Variants in COL8A1 observed in about 807,000 individuals in gnomAD.
COL8A1 encodes collagen alpha-1(VIII) chain.
COL8A1 carries 21 observed loss-of-function variants against 42.7 expected under a neutral mutation model. The observed-to-expected ratio is 0.49, with a 90% CI of 0.35 to 0.71. The LOEUF (loss-of-function observed/expected upper bound fraction) is 0.71, where lower values mean the gene tolerates loss of function less well. Ranked by LOEUF, COL8A1 falls within the 30% of genes least tolerant of loss-of-function variation. The pLI, the probability that COL8A1 is intolerant of heterozygous loss-of-function variation, is 0.01. For missense variants in COL8A1, 788 were observed against 962.4 expected, an observed-to-expected ratio of 0.82 and a Z score of 2.40; for synonymous variants, 367 against 369.1, an observed-to-expected ratio of 0.99 and a Z score of 0.06.
intron 2 of COL8A1, among the ~76,000 whole-genome samples, chr3:99,765,838 AT>A (rs1343517613): frequency 4.6e-5 from 7 of 152,200 alleles, no homozygotes; most frequent in Non-Finnish European, 8.8e-5. Flanking sequence ...TTATCTTCTG[AT>A]GCCTTATCAA....
At chr3:99,761,745 A>AT (rs1269532318) in intron 2 of COL8A1, among the ~76,000 whole-genome samples, 4 of 152,198 alleles carry the variant, frequency 2.6e-5, no homozygotes, top group African/African-American at 9.7e-5. Context: ...CTGGCTTTAG[A>AT]TATCTAGAGA....
chr3:99,665,446 C>A (rs1266025244), intron 1 of COL8A1, among the ~76,000 whole-genome samples: 2 of 152,148 alleles, frequency 1.3e-5, no homozygotes, highest in Non-Finnish European at 2.9e-5. Context: ...GTACATCTAC[C>A]TTTGGGTATA....
chr3:99,783,927 A>G (rs1941843289), intron 2 of COL8A1, among the ~76,000 whole-genome samples: 1 of 152,198 alleles, frequency 6.6e-6, no homozygotes, highest in African/African-American at 2.4e-5. Context: ...GAGCCAAACT[A>G]TATCAGGCTC....
chr3:99,674,556 T>C (rs1044774078), intron 1 of COL8A1, among the ~76,000 whole-genome samples: 1 of 152,040 alleles, frequency 6.6e-6, no homozygotes, highest in African/African-American at 2.4e-5. Context: ...CTCTCTATTC[T>C]GGCTATGCAG....
chr3:99,654,704 C>G (rs958411429), intron 1 of COL8A1, among the ~76,000 whole-genome samples: 2 of 151,956 alleles, frequency 1.3e-5, no homozygotes, highest in African/African-American at 2.4e-5. Context: ...GGGAGGATCA[C>G]TTTAGCCCGG....
chr3:99,777,146 G>A (rs185554325), intron 2 of COL8A1, among the ~76,000 whole-genome samples: 412 of 152,202 alleles, frequency 2.7e-3, no homozygotes, highest in Non-Finnish European at 4.4e-3. Flanking sequence ...GTAGGTCTCA[G>A]CCTTATTTCA....
At chr3:99,694,326 T>C (rs1351521069) in intron 1 of COL8A1, among the ~76,000 whole-genome samples, 2 of 151,832 alleles carry the variant, frequency 1.3e-5, no homozygotes, top group African/African-American at 4.8e-5. Flanking sequence ...CTACTAAAAA[T>C]ATAAAAATCA....
At chr3:99,739,297 G>C (rs2107398574) in intron 1 of COL8A1, among the ~76,000 whole-genome samples, 1 of 152,280 alleles carries the variant, frequency 6.6e-6, no homozygotes, top group South Asian at 2.1e-4. Context: ...GGCTTTTCCA[G>C]GTGCACAATG....
At chr3:99,670,582 A>G (rs1576423168) in intron 1 of COL8A1, among the ~76,000 whole-genome samples, 1 of 152,094 alleles carries the variant, frequency 6.6e-6, no homozygotes, top group Non-Finnish European at 1.5e-5. Flanking sequence ...AAAATAATTA[A>G]CATACCCATC....
intron 2 of COL8A1, among the ~76,000 whole-genome samples, chr3:99,749,665 T>C (rs1941099498): frequency 6.6e-6 from 1 of 152,180 alleles, no homozygotes; most frequent in African/African-American, 2.4e-5. Context: ...TCCTGTTTGT[T>C]AAAATTTACC....
chr3:99,676,023 A>G (rs1938682852), intron 1 of COL8A1, among the ~76,000 whole-genome samples: 1 of 152,116 alleles, frequency 6.6e-6, no homozygotes, highest in South Asian at 2.1e-4. Context: ...TATTAATAGC[A>G]TTGTAAACTA....
chr3:99,649,884 T>C (rs966306744), intron 1 of COL8A1, among the ~76,000 whole-genome samples: 3 of 152,210 alleles, frequency 2.0e-5, no homozygotes, highest in Admixed American at 6.5e-5. Flanking sequence ...CTAATGGTAT[T>C]CTAATATTAA....
At chr3:99,692,084 G>A (rs751241024) in intron 1 of COL8A1, among the ~76,000 whole-genome samples, 4 of 151,782 alleles carry the variant, frequency 2.6e-5, no homozygotes, top group Admixed American at 2.0e-4. Flanking sequence ...TCAATACTTG[G>A]GCCAGATGTT....
intron 1 of COL8A1, among the ~76,000 whole-genome samples, chr3:99,725,929 C>A (rs1940303660): frequency 6.6e-6 from 1 of 152,062 alleles, no homozygotes; most frequent in African/African-American, 2.4e-5. Context: ...GGTATATACC[C>A]AGTAATGGGA....
rs537783031 is a variant in COL8A1 at position 99,784,863 on chromosome 3, T to C, written c.-3-5817T>C. Among the ~76,000 whole-genome samples, 6 of 152,322 alleles carry C rather than the reference T, an allele frequency of 3.9e-5. No individual in the cohort carries two copies. In the South Asian group the frequency reaches 1.0e-3, roughly 26 times the overall value. ...TGCTGAGTTACTTACCTGAGGGTCATAGATCAATATAGTTAGAGTCATTAA... is the reference window on the plus strand; with the variant it reads ...TGCTGAGTTACTTACCTGAGGGTCACAGATCAATATAGTTAGAGTCATTAA... On this transcript the variant is annotated intron_variant, in intron 2 of 3. Coordinates refer to ENST00000652472, the MANE Select transcript of COL8A1 (RefSeq NM_020351.4).
intron 2 of COL8A1, among the ~76,000 whole-genome samples, chr3:99,790,134 T>TA (rs1349652273): frequency 3.3e-5 from 5 of 152,232 alleles, no homozygotes; most frequent in Non-Finnish European, 7.3e-5. Flanking sequence ...TAACCAGGAC[T>TA]GAGGTTTATT....
In COL8A1 at chr3:99,795,862, C is replaced by A. The variant is rs754507179; in HGVS notation, c.1961C>A (p.Thr654Asn). 10 of 1,614,062 alleles carry A rather than the reference C, an allele frequency of 6.2e-6. No homozygotes were observed. The highest frequency in any genetic ancestry group is 1.3e-5 in the African/African-American group (1 of 74,914). Residue 654 changes from threonine to asparagine, a missense_variant, in exon 4 of 4, where the codon ACC becomes AAC. Around this residue, in one of 4 missense-constraint regions of COL8A1, gnomAD observed 212 missense variants for 210.9 expected, o/e 1.00. Coordinates refer to ENST00000652472, the MANE Select transcript of COL8A1 (RefSeq NM_020351.4). The part of the protein sequence containing the change: ...QNYNPQTGIF[T>N]CEVPGVYYFA... ...TACAACCCGCAGACAGGCATCTTCA[C>A]CTGTGAGGTCCCTGGTGTCTACTAC... is the stretch of plus-strand genomic sequence containing the variant.
At chr3:99,736,785 C>G (rs1940731731) in intron 1 of COL8A1, among the ~76,000 whole-genome samples, 1 of 150,778 alleles carries the variant, frequency 6.6e-6, no homozygotes, top group Admixed American at 6.6e-5. Flanking sequence ...CCTGGGTATC[C>G]TTGTTGACTT....
intron 1 of COL8A1, among the ~76,000 whole-genome samples, chr3:99,646,657 T>C (rs1348854179): frequency 1.3e-5 from 2 of 152,180 alleles, no homozygotes; most frequent in Non-Finnish European, 2.9e-5. Context: ...TGGGATAAAA[T>C]GTCAAGTAGC....
Sources: allele counts gnomAD v4.1 joint callset (sites outside exome capture counted in the v4.1 genomes callset), GRCh38; gene constraint gnomAD v4.1.1; regional missense constraint gnomAD v4.1.1; transcripts MANE v1.5; gene names NCBI Gene and HGNC (gene_info 2026-07-23, HGNC 2026-07-21).